DHX37: variants seen among roughly 807,000 people sequenced by gnomAD.
DHX37 encodes probable ATP-dependent RNA helicase DHX37.
DHX37 carries 52 observed loss-of-function variants against 134.3 expected under a neutral mutation model. The observed-to-expected ratio is 0.39, with a 90% confidence interval of 0.31 to 0.49. DHX37 has a LOEUF of 0.49. Ranked by LOEUF, DHX37 falls within the 20% of genes least tolerant of loss-of-function variation. DHX37 has a pLI of 0.93. For synonymous variants in DHX37, 634 were observed against 670.7 expected (o/e 0.95, Z 0.85); for missense variants, 1,344 against 1,580.8 (o/e 0.85, Z 2.54).
At chr12:124,966,953 A>T in intron 11 of DHX37, 75 bp from the exon 12 acceptor site, 2 of 1,591,126 alleles carry the variant, frequency 1.3e-6, no homozygotes, top group South Asian at 2.2e-5. Flanking sequence ...TTTGTTGTTC[A>T]AGGCATGGCC....
chr12:124,968,658 G>A lies in DHX37; in HGVS notation c.1294-10C>T, dbSNP rs764262715. On this transcript the variant is annotated splice_polypyrimidine_tract_variant and intron_variant, in intron 9 of 26. Coordinates refer to ENST00000308736, the MANE Select transcript of DHX37 (RefSeq NM_032656.4). The stretch of plus-strand genomic sequence containing the variant: ...ACTGCCTGGATTCCACCTGTGGGAC[G>A]CCCAGGAAGGCATGGGGAGTGGGGG... 73 of 1,613,522 alleles carry A rather than the reference G, an allele frequency of 4.5e-5. No homozygotes were observed. Among genetic ancestry groups the A allele is most frequent in the East Asian group, 6.7e-5 (3 of 44,888 alleles).
chr12:124,969,286 C>T (rs907094434), intron 8 of DHX37, among the ~76,000 whole-genome samples: 1 of 152,110 alleles, frequency 6.6e-6, no homozygotes, highest in Non-Finnish European at 1.5e-5. Context: ...GCCGGGGGCT[C>T]AGGGAAGAGC....
chr12:124,964,365 G>A lies in DHX37; in HGVS notation c.2045+29C>T, dbSNP rs762323104. ...GTGGCTATTGCAAGGCGGCACCAACGTCCCTGAGGAGGAGCCTGGGTGACC... is the reference window on the plus strand; with the variant it reads ...GTGGCTATTGCAAGGCGGCACCAACATCCCTGAGGAGGAGCCTGGGTGACC... On this transcript the variant is annotated intron_variant, in intron 15 of 26. Transcript: ENST00000308736. 9 of 1,610,056 alleles carry A rather than the reference G, an allele frequency of 5.6e-6. No homozygotes were observed. In the South Asian group the frequency reaches 6.6e-5, roughly 12 times the overall value.
At position 124,956,887 on chromosome 12, in the gene DHX37, T is replaced by C. The variant is rs1460935260; in HGVS notation, c.2265-8A>G. The C allele has an allele frequency of 7.0e-6, 11 of 1,578,520 alleles. No homozygotes were observed. The highest frequency in any genetic ancestry group is 9.5e-6 in the Non-Finnish European group (11 of 1,156,014). ...TCCTGCAGTTGCTTCACCCTGGAGATGGAGGTGGTGGTGGCAGTGCTCTGA... is the reference window on the plus strand; with the variant it reads ...TCCTGCAGTTGCTTCACCCTGGAGACGGAGGTGGTGGTGGCAGTGCTCTGA... On this transcript the variant is annotated splice_region_variant and splice_polypyrimidine_tract_variant and intron_variant, in intron 17 of 26. Transcript: ENST00000308736.
At chr12:124,948,270 C>A in intron 25 of DHX37, 89 bp from the exon 26 acceptor site, 1 of 1,499,956 alleles carries the variant, frequency 6.7e-7, no homozygotes, top group Non-Finnish European at 8.9e-7. Context: ...GGCATCACCA[C>A]CCCACCAGCC....
intron 1 of DHX37, among the ~76,000 whole-genome samples, chr12:124,986,987 G>A (rs1269125687): frequency 6.6e-6 from 1 of 151,960 alleles, no homozygotes; most frequent in Non-Finnish European, 1.5e-5. Flanking sequence ...CCCCAAGTGA[G>A]CCACCCGCCT....
At chr12:124,971,252 T>TG (rs763433024) in intron 8 of DHX37, 50 bp downstream of exon 8, 210 of 1,581,114 alleles carry the variant, frequency 1.3e-4, no homozygotes, top group Middle Eastern at 6.7e-4. Flanking sequence ...CTGACAGAGC[T>TG]GGGGGGGGCC....
Position 124,964,609 on chromosome 12 carries a change from C to T in DHX37, c.1830G>A (p.Pro610=), listed in dbSNP as rs202096722. Residue 610 remains proline (P), a synonymous_variant, in exon 15 of 27, where the codon CCG becomes CCA. Coordinates refer to ENST00000308736, the MANE Select transcript of DHX37 (RefSeq NM_032656.4). The part of the protein sequence containing the change: ...EKQAQVFKPP[P]EGTRLCVVAT... Reference sequence around the variant, plus strand: ...CCACAACACACAACCGAGTCCCCTCCGGTGGAGGCTTAAAGACCTAGGATT... The same window carrying T: ...CCACAACACACAACCGAGTCCCCTCTGGTGGAGGCTTAAAGACCTAGGATT... The T allele has an allele frequency of 4.0e-5, 65 of 1,610,776 alleles. No individual in the cohort carries two copies. Among genetic ancestry groups the T allele is most frequent in the African/African-American group, 3.6e-4 (27 of 74,768 alleles).
At position 124,980,878 on chromosome 12, in the gene DHX37, C is replaced by G. The variant is rs1356970957; in HGVS notation, c.390-40G>C. On this transcript the variant is annotated intron_variant, in intron 3 of 26. Transcript: ENST00000308736. This position sits in a 1 kb window ranked among gnomAD's most constrained non-coding sequence, Gnocchi z 5.3. Reference sequence around the variant, plus strand: ...GAGACTTCAGGCACAGAGGCCCCACCTCAATCCCAGAGGTCAGGACTCCAA... The same window carrying G: ...GAGACTTCAGGCACAGAGGCCCCACGTCAATCCCAGAGGTCAGGACTCCAA... 4.6e-6 allele frequency: 7 copies of G among 1,534,656 alleles called. 1 individual carries two copies. The Admixed American group carries it at 1.4e-4, about 31-fold the overall frequency.
chr12:124,957,920 T>A (rs34245708), intron 16 of DHX37, among the ~76,000 whole-genome samples: 23,714 of 152,182 alleles, frequency 0.16, 4,700 homozygotes, highest in African/African-American at 0.47. Flanking sequence ...CAGCCGCGAA[T>A]AGGAGTGAAG....
At chr12:124,964,336 CTCAG>C in intron 15 of DHX37, 54 bp downstream of exon 15, 2 of 1,601,960 alleles carry the variant, frequency 1.2e-6, no homozygotes, top group Non-Finnish European at 1.7e-6. Flanking sequence ...TCCCTTGTTC[CTCAG>C]TGGCTATTGC....
rs1460961202 is a variant in DHX37 at position 124,949,206 on chromosome 12, C to T, written c.3290+780G>A. ...CCTGGGACAGGGCCACACTGGAAAA[C>T]GTGAGCTGAGTGACTGACACGGCTC... On this transcript the variant is annotated intron_variant, in intron 25 of 26. Coordinates refer to ENST00000308736, the MANE Select transcript of DHX37 (RefSeq NM_032656.4). This position sits in a 1 kb window ranked among gnomAD's most constrained non-coding sequence, Gnocchi z 4.0. Among the ~76,000 whole-genome samples, 2 of 152,178 alleles carry T rather than the reference C, an allele frequency of 1.3e-5. No homozygotes were observed. Among genetic ancestry groups the T allele is most frequent in the Non-Finnish European group, 2.9e-5 (2 of 68,026 alleles).
At chr12:124,984,484 G>T (rs1190610021) in intron 2 of DHX37, among the ~76,000 whole-genome samples, 1 of 152,114 alleles carries the variant, frequency 6.6e-6, no homozygotes, top group East Asian at 1.9e-4. Context: ...GGTGCGCCGA[G>T]ATCATGCCAT....
Position 124,957,115 on chromosome 12 carries a change from C to T in DHX37, c.2178G>A (p.Pro726=), listed in dbSNP as rs140306071. The T allele has an allele frequency of 6.4e-5, 96 of 1,493,828 alleles. No individual in the cohort carries two copies. The highest frequency in any genetic ancestry group is 7.5e-5 in the Non-Finnish European group (84 of 1,124,474). 92.5% of individuals were successfully genotyped at this position (1,493,828 alleles called of 1,614,324 possible). The change falls in exon 17 of 27, where the codon CCG becomes CCA. Residue 726 remains proline (P), a synonymous_variant. Coordinates refer to ENST00000308736, the MANE Select transcript of DHX37 (RefSeq NM_032656.4). ...GAAGGGCTTCCACGGAGGGGGGCGTCGGGAAGGGGAAGTTGATGACCTGGG... is the reference window on the plus strand; with the variant it reads ...GAAGGGCTTCCACGGAGGGGGGCGTTGGGAAGGGGAAGTTGATGACCTGGG... The part of the protein sequence containing the change: ...NVEKVINFPF[P]TPPSVEALLA...
chr12:124,961,946 T>G (rs887465745), intron 15 of DHX37, among the ~76,000 whole-genome samples: 3 of 151,866 alleles, frequency 2.0e-5, no homozygotes, highest in Non-Finnish European at 4.4e-5. Flanking sequence ...GAAGCTTTCA[T>G]ATTAAAAAAA....
At chr12:124,948,359 A>T (rs1335277397) in intron 25 of DHX37, 178 bp from the exon 26 acceptor site, 72 of 1,188,968 alleles carry the variant, frequency 6.1e-5, no homozygotes, top group African/African-American at 2.6e-4. Flanking sequence ...CTGAAGTAGG[A>T]GGATCCCTTG....
Position 124,968,685 on chromosome 12 carries a change from GA to G in DHX37, c.1294-38del, listed in dbSNP as rs370254792. The G allele has an allele frequency of 1.7e-4, 280 of 1,612,728 alleles. 1 individual carries two copies. Among genetic ancestry groups the G allele is most frequent in the Admixed American group, 6.5e-4 (39 of 59,978 alleles). On this transcript the variant is annotated intron_variant, in intron 9 of 26. Transcript: ENST00000308736. ...CCAGGAAGGCATGGGGAGTGGGGGGGACACGAGCTTCGGCCCAGGGCTGCCT... is the reference window on the plus strand; with the variant it reads ...CCAGGAAGGCATGGGGAGTGGGGGGGCACGAGCTTCGGCCCAGGGCTGCCT...
At chr12:124,954,246 C>A in intron 18 of DHX37, 35 bp from the exon 19 acceptor site, 1 of 1,531,986 alleles carries the variant, frequency 6.5e-7, no homozygotes. Context: ...TGGGCTGGGG[C>A]CTCGGCTGCG....
chr12:124,983,329 C>A (rs1053626442), intron 2 of DHX37, among the ~76,000 whole-genome samples: 8 of 151,574 alleles, frequency 5.3e-5, no homozygotes, highest in African/African-American at 1.9e-4. Context: ...GATCTCCTGA[C>A]CTCATGATCT....
Sources: allele counts gnomAD v4.1 joint callset (sites outside exome capture counted in the v4.1 genomes callset), GRCh38; gene constraint gnomAD v4.1.1; non-coding constraint Gnocchi (gnomAD v3.1); transcripts MANE v1.5; gene names NCBI Gene and HGNC (gene_info 2026-07-23, HGNC 2026-07-21).